Variants in CSMD1 observed in about 807,000 individuals in gnomAD.
CSMD1 encodes CUB and sushi domain-containing protein 1.
CSMD1 carries 213 observed loss-of-function variants against 417.5 expected under a neutral mutation model. That is an observed-to-expected ratio of 0.51 (90% CI 0.46 to 0.57). CSMD1 has a LOEUF of 0.57. Ranked by LOEUF, CSMD1 falls within the 20% of genes least tolerant of loss-of-function variation. The probability of loss-of-function intolerance (pLI) is 0.00; values close to 1 mark genes in which losing one functional copy is unlikely to be tolerated. For synonymous variants in CSMD1, 2,862 were observed against 1,736.8 expected (o/e 1.65, Z -16.11); for missense variants, 6,923 against 4,529.7 (o/e 1.53, Z -15.17).
intron 3 of CSMD1, among the ~76,000 whole-genome samples, chr8:4,175,029 T>C (rs1032983297): frequency 6.6e-6 from 1 of 151,820 alleles, no homozygotes; most frequent in Non-Finnish European, 1.5e-5. Flanking sequence ...ACTTTAAGTA[T>C]ATTACATTCC....
intron 7 of CSMD1, among the ~76,000 whole-genome samples, chr8:3,658,504 C>T (rs1024174171): frequency 6.1e-5 from 9 of 146,454 alleles, no homozygotes; most frequent in African/African-American, 1.7e-4. Flanking sequence ...TTTCCTTGGT[C>T]GGGCTTGGTG....
intron 2 of CSMD1, among the ~76,000 whole-genome samples, chr8:4,447,746 A>C (rs1273410627): frequency 1.3e-5 from 2 of 152,216 alleles, no homozygotes; most frequent in African/African-American, 4.8e-5. Flanking sequence ...ATTAAGATTT[A>C]AGACTCTTTT....
At chr8:3,267,803 G>A (rs945184567) in intron 26 of CSMD1, among the ~76,000 whole-genome samples, 3 of 152,138 alleles carry the variant, frequency 2.0e-5, no homozygotes, top group African/African-American at 7.2e-5. Flanking sequence ...GGGTGCAGAG[G>A]CCGGGGCTGA....
At chr8:4,505,714 C>T (rs565318494) in intron 2 of CSMD1, among the ~76,000 whole-genome samples, 1 of 152,248 alleles carries the variant, frequency 6.6e-6, no homozygotes, top group South Asian at 2.1e-4. Context: ...CTTCATCTGC[C>T]AATGAAGCCT....
chr8:4,586,360 C>G (rs1013187569), intron 2 of CSMD1, among the ~76,000 whole-genome samples: 3 of 152,144 alleles, frequency 2.0e-5, no homozygotes, highest in African/African-American at 7.2e-5. Context: ...ATTTCTCTCA[C>G]AGAGTGTTGA....
At chr8:3,685,469 G>T (rs1799898699) in intron 7 of CSMD1, among the ~76,000 whole-genome samples, 1 of 152,148 alleles carries the variant, frequency 6.6e-6, no homozygotes, top group Non-Finnish European at 1.5e-5. Flanking sequence ...GGATGCTGCA[G>T]CCGAAGGAGA....
intron 5 of CSMD1, among the ~76,000 whole-genome samples, chr8:3,877,827 G>A (rs773365481): frequency 1.3e-5 from 2 of 152,140 alleles, no homozygotes; most frequent in Admixed American, 6.5e-5. Context: ...TATATTTATA[G>A]AACTGACTTA....
intron 10 of CSMD1, among the ~76,000 whole-genome samples, chr8:3,517,444 T>A (rs564409324): frequency 2.6e-5 from 4 of 152,164 alleles, no homozygotes; most frequent in Non-Finnish European, 4.4e-5. Context: ...AACCTATGCA[T>A]TGATTTCCAA....
chr8:4,492,297 C>A (rs1801745100), intron 2 of CSMD1, among the ~76,000 whole-genome samples: 1 of 152,020 alleles, frequency 6.6e-6, no homozygotes, highest in South Asian at 2.1e-4. Flanking sequence ...CTTATGTTGC[C>A]CAGGATGGTC....
At chr8:4,657,528 A>T (rs555961431) in intron 1 of CSMD1, among the ~76,000 whole-genome samples, 12 of 152,182 alleles carry the variant, frequency 7.9e-5, no homozygotes, top group African/African-American at 2.9e-4. Context: ...ACAAACATAG[A>T]AAAGAATATA....
chr8:3,604,172 C>T (rs1222623223), intron 8 of CSMD1, among the ~76,000 whole-genome samples: 1 of 152,112 alleles, frequency 6.6e-6, no homozygotes, highest in African/African-American at 2.4e-5. Context: ...GGCTCAGAAT[C>T]TTGTGGGCAG....
chr8:4,181,621 A>T (rs530866506), intron 3 of CSMD1, among the ~76,000 whole-genome samples: 1 of 152,228 alleles, frequency 6.6e-6, no homozygotes. Flanking sequence ...AAATTCATTT[A>T]TATTTACATT....
rs903546639 is a variant in CSMD1, at chr8:4,494,442, A to G, written c.303-74377T>C. The stretch of plus-strand genomic sequence containing the variant: ...TCCCTACAATTAGTTTATCGCATAT[A>G]TTGCTTGAAAACATTATTATACTTT... On this transcript the variant is annotated intron_variant, in intron 2 of 69. Coordinates refer to ENST00000635120, the MANE Select transcript of CSMD1 (RefSeq NM_033225.6). Among the ~76,000 whole-genome samples, 3 of 152,220 alleles carry G rather than the reference A, an allele frequency of 2.0e-5. No homozygotes were observed. In the South Asian group the frequency reaches 6.2e-4, roughly 31 times the overall value.
At chr8:4,000,655 T>C (rs891618675) in intron 4 of CSMD1, among the ~76,000 whole-genome samples, 3 of 152,184 alleles carry the variant, frequency 2.0e-5, no homozygotes, top group African/African-American at 7.2e-5. Context: ...AGATATTTAC[T>C]TTTATTATTG....
rs373043547 is a variant in CSMD1, at chr8:3,213,767, ATG to A, written c.4867+728_4867+729del. Among the ~76,000 whole-genome samples the A allele has an allele frequency of 3.1e-4, 47 of 150,772 alleles. No individual in the cohort carries two copies. In the East Asian group the frequency reaches 7.2e-3, roughly 23 times the overall value. On this transcript the variant is annotated intron_variant, in intron 30 of 69. Coordinates refer to ENST00000635120, the MANE Select transcript of CSMD1 (RefSeq NM_033225.6). Reference sequence around the variant, plus strand: ...AATATATGTGTGTGTATGTATATATATGTGTGTGTGTATGTATATATATGTAT... The same window carrying A: ...AATATATGTGTGTGTATGTATATATATGTGTGTGTATGTATATATATGTAT...
intron 1 of CSMD1, among the ~76,000 whole-genome samples, chr8:4,761,992 T>A (rs978949336): frequency 2.0e-5 from 3 of 151,352 alleles, no homozygotes; most frequent in African/African-American, 7.3e-5. Flanking sequence ...GCAACCAAAA[T>A]TAACATGGAA....
At chr8:4,383,387 GC>G (rs1200979212) in intron 3 of CSMD1, among the ~76,000 whole-genome samples, 3 of 152,110 alleles carry the variant, frequency 2.0e-5, no homozygotes, top group Non-Finnish European at 2.9e-5. Flanking sequence ...TTACTTGGGG[GC>G]TACATTTACT....
chr8:3,727,571 A>G (rs1242421198), intron 6 of CSMD1, among the ~76,000 whole-genome samples: 2 of 152,244 alleles, frequency 1.3e-5, no homozygotes, highest in East Asian at 3.8e-4. Flanking sequence ...CCTCGAAAAA[A>G]TACTAATAAA....
chr8:4,032,160 A>G lies in CSMD1; in HGVS notation c.416-61T>C, dbSNP rs570323628. 239 of 1,302,708 alleles carry G rather than the reference A, an allele frequency of 1.8e-4. 3 individuals carry two copies. The South Asian group carries it at 3.0e-3, about 17-fold the overall frequency. The allele number at this position is 1,302,708 out of a possible 1,614,324, so 80.7% of individuals were successfully genotyped here. A position where few individuals can be genotyped will look rare whatever the true frequency, so the allele number is the denominator to read the frequency against. Reference sequence around the variant, plus strand: ...TTAAATTTTCCATGGAGAGCCACTTATAAGATAAAACAGACACCATTTTTG... The same window carrying G: ...TTAAATTTTCCATGGAGAGCCACTTGTAAGATAAAACAGACACCATTTTTG... On this transcript the variant is annotated intron_variant, in intron 3 of 69. Coordinates refer to ENST00000635120, the MANE Select transcript of CSMD1 (RefSeq NM_033225.6).
Sources: gnomAD v4.1 joint callset for allele counts (sites outside exome capture counted in the v4.1 genomes callset) on GRCh38, gnomAD v4.1.1 for gene constraint, MANE v1.5 for transcripts, NCBI Gene and HGNC (gene_info 2026-07-23, HGNC 2026-07-21) for gene names.